Variants in NXPE2 observed in about 807,000 individuals in gnomAD.
The protein encoded by NXPE2 is neurexophilin and PC-esterase domain family member 2.
In NXPE2, 34 loss-of-function variants were observed where a neutral mutation model predicts 34.4. The observed-to-expected ratio is 0.99, with a 90% confidence interval of 0.75 to 1.31. NXPE2 has a LOEUF of 1.31. Ranked by LOEUF, NXPE2 falls within the 40% of genes most tolerant of loss-of-function variation. The pLI is 0.00. For missense variants in NXPE2, 649 were observed against 672.5 expected (o/e 0.97, Z 0.39); for synonymous variants, 235 against 231.3 (o/e 1.02, Z -0.15).
At chr11:114,787,772 GC>G in the NXPE2 span, among the ~76,000 whole-genome samples, 56 of 152,284 alleles carry the variant, frequency 3.7e-4, no homozygotes, top group African/African-American at 1.3e-3. Context: ...CCAAGAGTCA[GC>G]AAAATAGAAG....
At chr11:114,543,895 A>G in the NXPE2 span, among the ~76,000 whole-genome samples, 1 of 152,238 alleles carries the variant, frequency 6.6e-6, no homozygotes, top group Non-Finnish European at 1.5e-5. Context: ...GTTTCAGGAC[A>G]CAAGTCAATA....
downstream of NXPE2, among the ~76,000 whole-genome samples, chr11:114,710,457 A>G (rs971502852): frequency 6.6e-6 from 1 of 152,220 alleles, no homozygotes; most frequent in Non-Finnish European, 1.5e-5. Context: ...AGAGACTACT[A>G]TGAACAATTG....
chr11:114,666,325 C>T, the NXPE2 span, among the ~76,000 whole-genome samples: 150,179 of 152,260 alleles, frequency 0.99, 74,096 homozygotes, highest in Middle Eastern at 1. Context: ...TCCAGGGCCT[C>T]CTTTAAAGTA....
chr11:114,585,628 T>G, the NXPE2 span, among the ~76,000 whole-genome samples: 1 of 152,008 alleles, frequency 6.6e-6, no homozygotes, highest in Admixed American at 6.6e-5. Context: ...TGTATATACA[T>G]TCAACATTTA....
At chr11:114,589,035 A>G in the NXPE2 span, among the ~76,000 whole-genome samples, 1 of 152,174 alleles carries the variant, frequency 6.6e-6, no homozygotes. Flanking sequence ...AGGCTCTGGT[A>G]GCTGCTTTGC....
chr11:114,786,093 A>G, the NXPE2 span, among the ~76,000 whole-genome samples: 3 of 152,336 alleles, frequency 2.0e-5, no homozygotes, highest in Non-Finnish European at 2.9e-5. Context: ...ACCTGTAATA[A>G]GGGAACCTAT....
At chr11:114,494,648 T>A in the NXPE2 span, among the ~76,000 whole-genome samples, 1 of 152,224 alleles carries the variant, frequency 6.6e-6, no homozygotes, top group Admixed American at 6.5e-5. Flanking sequence ...AAACAGCTGT[T>A]TTGAATTCTC....
chr11:114,726,577 GT>G, the NXPE2 span, among the ~76,000 whole-genome samples: 1 of 151,976 alleles, frequency 6.6e-6, no homozygotes, highest in East Asian at 1.9e-4. Context: ...TACTTTCTTA[GT>G]TTTTGTACAA....
chr11:114,563,835 G>A, the NXPE2 span, among the ~76,000 whole-genome samples: 1 of 152,214 alleles, frequency 6.6e-6, no homozygotes, highest in Non-Finnish European at 1.5e-5. Flanking sequence ...TGTTGGTGTG[G>A]ATGTAGTGAA....
the NXPE2 span, among the ~76,000 whole-genome samples, chr11:114,575,992 T>C: frequency 6.6e-6 from 1 of 152,012 alleles, no homozygotes; most frequent in East Asian, 1.9e-4. Flanking sequence ...GGTACTGGCA[T>C]AAAAATAGGC....
the NXPE2 span, chr11:114,527,905 C>CAA: frequency 4.0e-3 from 5,927 of 1,468,236 alleles, 1 homozygote; most frequent in East Asian, 9.0e-3. Flanking sequence ...TTTGGACCTT[C>CAA]AAAAAAAAAA....
At chr11:114,599,190 C>G in the NXPE2 span, among the ~76,000 whole-genome samples, 1 of 152,166 alleles carries the variant, frequency 6.6e-6, no homozygotes, top group African/African-American at 2.4e-5. Context: ...CAAAGTTCCA[C>G]AGATCCCTTG....
chr11:114,554,968 C>T, the NXPE2 span, among the ~76,000 whole-genome samples: 1 of 152,172 alleles, frequency 6.6e-6, no homozygotes, highest in South Asian at 2.1e-4. Flanking sequence ...GGTGCACACC[C>T]TAACTAGATA....
At chr11:114,769,287 C>G in the NXPE2 span, among the ~76,000 whole-genome samples, 1 of 149,388 alleles carries the variant, frequency 6.7e-6, no homozygotes. Context: ...GTTAGAATGG[C>G]AATCATTAAG....
chr11:114,534,384 T>C, the NXPE2 span, among the ~76,000 whole-genome samples: 1 of 152,072 alleles, frequency 6.6e-6, no homozygotes, highest in Non-Finnish European at 1.5e-5. Context: ...GCGCCTCTTC[T>C]CCTCCAAAGG....
At chr11:114,542,569 G>T in the NXPE2 span, among the ~76,000 whole-genome samples, 1 of 152,170 alleles carries the variant, frequency 6.6e-6, no homozygotes, top group South Asian at 2.1e-4. Flanking sequence ...ATTGGTGGGG[G>T]AGTGGGGAGA....
the NXPE2 span, among the ~76,000 whole-genome samples, chr11:114,637,023 ACTTT>A: frequency 6.6e-6 from 1 of 152,024 alleles, no homozygotes; most frequent in Non-Finnish European, 1.5e-5. Context: ...ATCGTTGTTG[ACTTT>A]CTGTCTCATT....
chr11:114,476,403 C>T, the NXPE2 span, among the ~76,000 whole-genome samples: 20 of 152,128 alleles, frequency 1.3e-4, no homozygotes, highest in African/African-American at 4.6e-4. Context: ...ACAAATATAT[C>T]CTCTTCTTCC....
the NXPE2 span, among the ~76,000 whole-genome samples, chr11:114,524,518 T>C: frequency 6.6e-6 from 1 of 152,188 alleles, no homozygotes; most frequent in African/African-American, 2.4e-5. Context: ...TGATTTGGCT[T>C]ACTAAAGGGA....
Sources: gnomAD v4.1 joint callset for allele counts (sites outside exome capture counted in the v4.1 genomes callset) on GRCh38, gnomAD v4.1.1 for gene constraint, MANE v1.5 for transcripts, NCBI Gene and HGNC (gene_info 2026-07-23, HGNC 2026-07-21) for gene names.